Variants in NMI observed in about 807,000 individuals in gnomAD.
The protein encoded by NMI is N-myc and STAT interactor, also known as N-myc-interactor.
Under a neutral mutation model 34.3 loss-of-function variants are expected in NMI, and 39 were observed. The observed-to-expected ratio is 1.14, with a 90% CI of 0.88 to 1.49. The LOEUF is 1.49. NMI is among the 40% of genes most tolerant of loss of function. The pLI, the probability that NMI is intolerant of heterozygous loss-of-function variation, is 0.00. For missense variants in NMI, 339 were observed against 358.1 expected (o/e 0.95, Z 0.43); for synonymous variants, 113 against 120.3 (o/e 0.94, Z 0.40).
intron 4 of NMI, chr2:151,277,240 G>GT (rs1380798028): frequency 6.6e-6 from 1 of 152,316 alleles, no homozygotes; most frequent in East Asian, 1.9e-4. Context: ...TTGGATGATG[G>GT]TTTTTTGTTT....
intron 6 of NMI, among the ~76,000 whole-genome samples, chr2:151,274,212 A>G (rs35499578): frequency 0.6 from 90,255 of 150,622 alleles, 27,158 homozygotes; most frequent in Admixed American, 0.68. Flanking sequence ...GCATGGTGGC[A>G]TGCACTTGTA....
At chr2:151,283,068 T>C in intron 1 of NMI, 114 bp from the exon 2 acceptor site, 1 of 465,874 alleles carries the variant, frequency 2.1e-6, no homozygotes, top group Non-Finnish European at 3.7e-6. Flanking sequence ...TTGCTATATC[T>C]TTTTTTCCCA....
chr2:151,279,908 A>G (rs558835763), intron 3 of NMI, among the ~76,000 whole-genome samples: 5 of 152,304 alleles, frequency 3.3e-5, no homozygotes, highest in African/African-American at 1.2e-4. Flanking sequence ...CAGAAATTGT[A>G]AGCTGAGGCT....
intron 3 of NMI, among the ~76,000 whole-genome samples, chr2:151,279,851 C>G (rs538528772): frequency 6.6e-6 from 1 of 151,942 alleles, no homozygotes; most frequent in East Asian, 1.9e-4. Context: ...ACTTTTTAAC[C>G]ATTACCACAA....
rs79509740 is a variant in NMI, at chr2:151,273,345, C to T, written c.635-1613G>A. On this transcript the variant is annotated intron_variant, in intron 6 of 7. Transcript: ENST00000243346. ...CATATTTATCTCCAGAATACCTTCA[C>T]ATCCTTCAGTAGTTACCTGCTGGAT... is the stretch of plus-strand genomic sequence containing the variant. 6.2e-3 allele frequency among the ~76,000 whole-genome samples: 951 copies of T among 152,280 alleles called. 14 individuals are homozygous for T. Among genetic ancestry groups the T allele is most frequent in the African/African-American group, 0.022 (910 of 41,544 alleles).
chr2:151,282,072 A>C (rs1683417514), intron 2 of NMI, 29 bp from the exon 3 acceptor site: 1 of 985,908 alleles, frequency 1.0e-6, no homozygotes, highest in Non-Finnish European at 1.6e-6. Context: ...TACCAAAGAA[A>C]GTAAATAGCC....
At chr2:151,278,791 C>G in intron 4 of NMI, 37 bp downstream of exon 4, 1 of 1,537,394 alleles carries the variant, frequency 6.5e-7, no homozygotes. Context: ...AAGTGCTTTC[C>G]AAATAACATG....
At chr2:151,271,185 G>T (rs13004590) in intron 7 of NMI, among the ~76,000 whole-genome samples, 54,694 of 151,948 alleles carry the variant, frequency 0.36, 12,009 homozygotes, top group Admixed American at 0.5. Flanking sequence ...AAACTGAAGA[G>T]TTAAGTATGA....
chr2:151,276,929 T>TA (rs931922038), intron 4 of NMI, among the ~76,000 whole-genome samples: 2 of 152,238 alleles, frequency 1.3e-5, no homozygotes, highest in Non-Finnish European at 2.9e-5. Context: ...AGTAAAATGC[T>TA]AAAAATCACT....
At position 151,275,516 on chromosome 2, in the gene NMI, C is replaced by G; in HGVS notation, c.602G>C (p.Gly201Ala). ...VDRVDYDRQS[G>A]SAVITFVEIG... ...CTCCACAAACGTGATGACTGCACTC[C>G]CGGACTGTCTGTCATAGTCCACGCG... Residue 201 changes from glycine (G) to alanine (A), a missense_variant, in exon 6 of 8, where the codon GGG (glycine) becomes GCG (alanine). Transcript: ENST00000243346. 1 of 1,614,064 alleles carries G rather than the reference C, an allele frequency of 6.2e-7. No homozygotes were observed. Among genetic ancestry groups the G allele is most frequent in the South Asian group, 1.1e-5 (1 of 91,078 alleles).
At chr2:151,275,449 C>CA in intron 6 of NMI, 35 bp downstream of exon 6, 1 of 1,556,712 alleles carries the variant, frequency 6.4e-7, no homozygotes, top group Non-Finnish European at 8.8e-7. Flanking sequence ...ACTGAAATGG[C>CA]AGAGTGTCTG....
rs987497608 is a variant in NMI, at chr2:151,289,580, A to T, written c.-7+13T>A. 1.3e-5 allele frequency: 2 copies of T among 151,284 alleles called. No individual in the cohort carries two copies. The highest frequency in any genetic ancestry group is 2.9e-5 in the Non-Finnish European group (2 of 67,834). 9.4% of individuals were successfully genotyped at this position (151,284 alleles called of 1,614,324 possible). A position where few individuals can be genotyped will look rare whatever the true frequency, so the allele number is the denominator to read the frequency against. On this transcript the variant is annotated intron_variant, in intron 1 of 7. Transcript: ENST00000243346. ...GGCGGGAGTGGCAGCCGGGGAAGGG[A>T]CTCCCCACTCACCCGCGTCCGCCCG...
intron 1 of NMI, among the ~76,000 whole-genome samples, chr2:151,287,055 T>C (rs1383886934): frequency 1.3e-5 from 2 of 152,174 alleles, no homozygotes; most frequent in East Asian, 1.9e-4. Flanking sequence ...GATTATTAAA[T>C]TGTAGTAACG....
chr2:151,277,355 C>T (rs1683308743), intron 4 of NMI: 1 of 152,168 alleles, frequency 6.6e-6, no homozygotes, highest in Non-Finnish European at 1.5e-5. Context: ...TCCACAAACC[C>T]CCAACATCTG....
chr2:151,271,650 T>C lies in NMI; in HGVS notation c.717A>G (p.Thr239=). 1 of 1,555,748 alleles carries C rather than the reference T, an allele frequency of 6.4e-7. No homozygotes were observed. Among genetic ancestry groups the C allele is most frequent in the Non-Finnish European group, 8.9e-7 (1 of 1,128,492 alleles). ...CCTGATACTTTTTCAAGTGTATTTC[T>C]GTGTATGGAGAAACAGTAACTCTAT... The part of the protein sequence containing the change: ...TCHRVTVSPY[T]EIHLKKYQIF... Residue 239 remains threonine (T), a synonymous_variant, in exon 7 of 8, where the codon ACA becomes ACG. Transcript: ENST00000243346.
At chr2:151,275,409 T>C (rs1683272790) in intron 6 of NMI, 75 bp downstream of exon 6, 11 of 1,294,838 alleles carry the variant, frequency 8.5e-6, no homozygotes, top group Non-Finnish European at 8.8e-6. Flanking sequence ...AGAAGTAGAA[T>C]AGGAATACTT....
intron 6 of NMI, 54 bp downstream of exon 6, chr2:151,275,430 C>T: frequency 8.2e-6 from 12 of 1,470,164 alleles, no homozygotes; most frequent in Non-Finnish European, 1.1e-5. Flanking sequence ...TCAGAAACAA[C>T]AGAACATGAC....
chr2:151,275,435 C>T, intron 6 of NMI, 49 bp downstream of exon 6: 1 of 1,489,454 alleles, frequency 6.7e-7, no homozygotes, highest in South Asian at 1.1e-5. Context: ...AACAACAGAA[C>T]ATGACTGAAA....
At chr2:151,272,850 T>C (rs1464305751) in intron 6 of NMI, among the ~76,000 whole-genome samples, 1 of 152,194 alleles carries the variant, frequency 6.6e-6, no homozygotes, top group African/African-American at 2.4e-5. Flanking sequence ...ACAAATATTG[T>C]ATAATTCCAC....
Sources: gnomAD v4.1 joint callset for allele counts (sites outside exome capture counted in the v4.1 genomes callset) on GRCh38, gnomAD v4.1.1 for gene constraint, MANE v1.5 for transcripts, NCBI Gene and HGNC (gene_info 2026-07-23, HGNC 2026-07-21) for gene names.